Variants in ITPR1 observed in about 807,000 individuals in gnomAD.
ITPR1 encodes inositol 1,4,5-trisphosphate receptor type 1, also known as inositol 1,4,5-trisphosphate-gated calcium channel ITPR1.
A neutral mutation model predicts 318.4 loss-of-function variants in ITPR1; 96 were observed. The ratio of observed to expected loss-of-function variants is 0.30; its 90% confidence interval spans 0.26 to 0.36. The LOEUF (loss-of-function observed/expected upper bound fraction) is 0.36, where lower values mean the gene tolerates loss of function less well. Ranked by LOEUF, ITPR1 falls within the 10% of genes least tolerant of loss-of-function variation. The pLI, the probability that ITPR1 is intolerant of heterozygous loss-of-function variation, is 1.00. For synonymous variants in ITPR1, 1,312 were observed against 1,289.9 expected (o/e 1.02, Z -0.37); for missense variants, 2,440 against 3,460.2 (o/e 0.71, Z 7.40).
chr3:4,833,041 C>A (rs1354508390), intron 60 of ITPR1, among the ~76,000 whole-genome samples: 1 of 152,230 alleles, frequency 6.6e-6, no homozygotes, highest in Non-Finnish European at 1.5e-5. Flanking sequence ...TGGACTAAAG[C>A]AGCTTGAGAA....
chr3:4,807,512 G>T lies in ITPR1; in HGVS notation c.7272+1245G>T, dbSNP rs147379448. On this transcript the variant is annotated intron_variant, in intron 55 of 61. Coordinates refer to ENST00000649015, the MANE Select transcript of ITPR1 (RefSeq NM_001378452.1). Reference sequence around the variant, plus strand: ...CACAGGGATTACATGCAGCTGTTCAGGTCAGGGTCTTAGAATAGCACTGCC... The same window carrying T: ...CACAGGGATTACATGCAGCTGTTCATGTCAGGGTCTTAGAATAGCACTGCC... Among the ~76,000 whole-genome samples, 653 of 152,270 alleles carry T rather than the reference G, an allele frequency of 4.3e-3. 2 individuals carry two copies. Among genetic ancestry groups the T allele is most frequent in the Middle Eastern group, 6.8e-3 (2 of 294 alleles).
At chr3:4,691,374 A>G in intron 32 of ITPR1, 30 bp downstream of exon 32, 3 of 1,454,122 alleles carry the variant, frequency 2.1e-6, no homozygotes, top group Admixed American at 1.7e-5. Context: ...GTATACCTCC[A>G]TCTGGTGTTC....
intron 4 of ITPR1, among the ~76,000 whole-genome samples, chr3:4,602,393 T>C (rs550491798): frequency 6.6e-6 from 1 of 151,898 alleles, no homozygotes; most frequent in East Asian, 1.9e-4. Context: ...CCAGGCATGG[T>C]GGTGTGCACC....
intron 4 of ITPR1, among the ~76,000 whole-genome samples, chr3:4,545,188 A>T (rs1258190535): frequency 6.6e-6 from 1 of 152,218 alleles, no homozygotes; most frequent in Non-Finnish European, 1.5e-5. Flanking sequence ...AAAAACCCAA[A>T]ATGAATCAGT....
chr3:4,670,850 A>T lies in ITPR1; in HGVS notation c.2128A>T (p.Ser710Cys). The change falls in exon 20 of 62, where the codon AGC becomes TGC. Residue 710 changes from serine to cysteine, a missense_variant. Transcript: ENST00000649015. Reference sequence around the variant, plus strand: ...GAGGGACAGCAACAAAGAGATTCGCAGCAAGAGTGTGAGGGAATTGGCTCA... The same window carrying T: ...GAGGGACAGCAACAAAGAGATTCGCTGCAAGAGTGTGAGGGAATTGGCTCA... ...FWRDSNKEIRSKSVRELAQDA... is the reference protein window; with the variant it reads ...FWRDSNKEIRCKSVRELAQDA... 1.2e-6 allele frequency: 2 copies of T among 1,611,378 alleles called. No individual in the cohort carries two copies. The highest frequency in any genetic ancestry group is 1.7e-6 in the Non-Finnish European group (2 of 1,178,754).
At chr3:4,704,399 C>T (rs184612865) in intron 36 of ITPR1, among the ~76,000 whole-genome samples, 7 of 152,146 alleles carry the variant, frequency 4.6e-5, no homozygotes, top group Admixed American at 2.6e-4. Flanking sequence ...GCGACAGGAG[C>T]GCAACTCTGT....
chr3:4,676,765 C>A lies in ITPR1; in HGVS notation c.2931C>A (p.Val977=). The part of the protein sequence containing the change: ...QAEPEKEDIM[V]MDTKLKIIEI... ...AGCCTGAGAAGGAGGACATCATGGT[C>A]ATGGACACCAAGCTGAAGATCATTG... The change falls in exon 24 of 62, where the codon GTC becomes GTA. Residue 977 remains valine, a synonymous_variant. Coordinates refer to ENST00000649015, the MANE Select transcript of ITPR1 (RefSeq NM_001378452.1). 6.2e-7 allele frequency: 1 copy of A among 1,613,612 alleles called. No homozygotes were observed. Among genetic ancestry groups the A allele is most frequent in the South Asian group, 1.1e-5 (1 of 90,972 alleles).
intron 57 of ITPR1, 145 bp from the exon 58 acceptor site, chr3:4,814,278 A>C: frequency 1.1e-6 from 1 of 915,084 alleles, no homozygotes; most frequent in Non-Finnish European, 1.7e-6. Context: ...TTTTGAAAGA[A>C]AATAAGAAAA....
At chr3:4,654,450 A>C (rs562467089) in intron 12 of ITPR1, among the ~76,000 whole-genome samples, 1 of 152,342 alleles carries the variant, frequency 6.6e-6, no homozygotes, top group South Asian at 2.1e-4. Context: ...CTTTCTCTGG[A>C]GACCATATCG....
chr3:4,647,682 CCT>C (rs1227233027), intron 10 of ITPR1, among the ~76,000 whole-genome samples: 6 of 152,044 alleles, frequency 3.9e-5, no homozygotes, highest in African/African-American at 1.5e-4. Flanking sequence ...ATTTGCATCC[CCT>C]GTTTGATTTA....
At chr3:4,661,613 G>A (rs2125190766) in intron 14 of ITPR1, among the ~76,000 whole-genome samples, 1 of 152,282 alleles carries the variant, frequency 6.6e-6, no homozygotes, top group Middle Eastern at 3.4e-3. Context: ...ATGCTCTCAT[G>A]TAACTTTTCT....
chr3:4,650,738 C>G (rs1041423518), intron 10 of ITPR1, among the ~76,000 whole-genome samples: 2 of 151,282 alleles, frequency 1.3e-5, no homozygotes, highest in South Asian at 4.2e-4. Context: ...AACTTTGAGT[C>G]ATTATGTTTA....
intron 4 of ITPR1, among the ~76,000 whole-genome samples, chr3:4,536,094 G>T (rs1025447580): frequency 2.0e-5 from 3 of 152,114 alleles, no homozygotes; most frequent in Non-Finnish European, 4.4e-5. Flanking sequence ...GAGGTTTCTG[G>T]TCCTTCATTG....
chr3:4,716,873 T>C (rs1378649873), intron 39 of ITPR1, among the ~76,000 whole-genome samples: 1 of 152,214 alleles, frequency 6.6e-6, no homozygotes, highest in Non-Finnish European at 1.5e-5. Context: ...GCTGGGGATA[T>C]GCTGGTCTTA....
At chr3:4,749,278 C>T (rs1025853910) in intron 44 of ITPR1, 1 of 152,296 alleles carries the variant, frequency 6.6e-6, no homozygotes, top group Non-Finnish European at 1.5e-5. Context: ...TTCAGTTGCT[C>T]ACATTGGATA....
intron 54 of ITPR1, among the ~76,000 whole-genome samples, chr3:4,802,451 G>A (rs759091120): frequency 5.3e-5 from 8 of 152,110 alleles, no homozygotes; most frequent in Non-Finnish European, 7.3e-5. Context: ...GGGCTGTAGC[G>A]ACGCTTTGAT....
chr3:4,795,005 A>G (rs975466222), intron 52 of ITPR1, 60 bp from the exon 53 acceptor site: 3 of 1,514,402 alleles, frequency 2.0e-6, no homozygotes, highest in Non-Finnish European at 8.9e-7. Flanking sequence ...GCCACATTGC[A>G]TTCCTGGCGT....
rs754731002 is a variant in ITPR1, at chr3:4,614,864, G to A, written c.164-12899G>A. On this transcript the variant is annotated intron_variant, in intron 4 of 61. Coordinates refer to ENST00000649015, the MANE Select transcript of ITPR1 (RefSeq NM_001378452.1). ...TTCCCTTTCTCTTATTTTTTTCAGC[G>A]TTTTCTTGGGTGATGGTGAAAGCCT... is the stretch of plus-strand genomic sequence containing the variant. Among the ~76,000 whole-genome samples, 3 of 152,108 alleles carry A rather than the reference G, an allele frequency of 2.0e-5. No individual in the cohort carries two copies. The South Asian group carries it at 6.2e-4, about 32-fold the overall frequency.
At chr3:4,792,277 G>A (rs1354429017) in intron 52 of ITPR1, among the ~76,000 whole-genome samples, 2 of 152,184 alleles carry the variant, frequency 1.3e-5, no homozygotes, top group Non-Finnish European at 2.9e-5. Flanking sequence ...GCTAGGTTAG[G>A]TAGCACATTC....
Sources: allele counts gnomAD v4.1 joint callset (sites outside exome capture counted in the v4.1 genomes callset), GRCh38; gene constraint gnomAD v4.1.1; transcripts MANE v1.5; gene names NCBI Gene and HGNC (gene_info 2026-07-23, HGNC 2026-07-21).